ANK1: variants seen among roughly 807,000 people sequenced by gnomAD.
The protein encoded by ANK1 is ankyrin-1.
ANK1 carries 51 observed loss-of-function variants against 210.4 expected under a neutral mutation model. The ratio of observed to expected loss-of-function variants is 0.24; its 90% confidence interval spans 0.19 to 0.31. The LOEUF is 0.31. Among genes scored for constraint, ANK1 ranks in the 10% least tolerant of loss-of-function variants. The pLI is 1.00. For synonymous variants in ANK1, 967 were observed against 1,025.9 expected (o/e 0.94, Z 1.10); for missense variants, 2,051 against 2,504.4 (o/e 0.82, Z 3.86).
chr8:41,696,622 A>T (rs1375228898), intron 25 of ANK1, 35 bp from the exon 26 acceptor site: 1 of 1,611,476 alleles, frequency 6.2e-7, no homozygotes, highest in African/African-American at 1.3e-5. Context: ...GGGCTTCTGC[A>T]TCCCCTCTCG....
At chr8:41,723,348 C>A in intron 8 of ANK1, 125 bp from the exon 9 acceptor site, 3 of 1,189,236 alleles carry the variant, frequency 2.5e-6, no homozygotes, top group South Asian at 2.5e-5. Context: ...AGCACCAGCT[C>A]GACCTCAGCA....
rs1237127865 is a variant in ANK1, at chr8:41,717,069, T to A, written c.1306-18A>T. On this transcript the variant is annotated intron_variant, in intron 12 of 42. Coordinates refer to ENST00000289734, the MANE Select transcript of ANK1 (RefSeq NM_000037.4). Reference sequence around the variant, plus strand: ...TCCACTTTCTATAAAATAACAAAATTATAGAACTGTTCATACATGCCTGCT... The same window carrying A: ...TCCACTTTCTATAAAATAACAAAATAATAGAACTGTTCATACATGCCTGCT... The A allele has an allele frequency of 1.2e-6, 2 of 1,613,000 alleles. No homozygotes were observed. The highest frequency in any genetic ancestry group is 1.7e-6 in the Non-Finnish European group (2 of 1,179,144).
intron 1 of ANK1, among the ~76,000 whole-genome samples, chr8:41,881,258 GAC>G (rs1251388362): frequency 1.3e-5 from 2 of 152,198 alleles, no homozygotes; most frequent in Admixed American, 6.5e-5. Context: ...GAGGCCCAGA[GAC>G]ACACAGTTAT....
At chr8:41,720,001 C>A in intron 9 of ANK1, 143 bp from the exon 10 acceptor site, 6 of 928,336 alleles carry the variant, frequency 6.5e-6, no homozygotes, top group African/African-American at 1.6e-5. Flanking sequence ...CTCACCCTGG[C>A]CTCCACGCTC....
rs553942071 is a variant in ANK1 at position 41,704,505 on chromosome 8, T to C, written c.2098-33A>G. On this transcript the variant is annotated intron_variant, in intron 18 of 42. Transcript: ENST00000289734. The surrounding 1 kb of genome is among the most constrained non-coding windows in gnomAD (Gnocchi z 4.1). ...GCAGATGAGAAGGAGTGACCGGAGC[T>C]GTCCTGAGCTGGGCATCACATGAAA... The C allele has an allele frequency of 6.4e-7, 1 of 1,564,212 alleles. No homozygotes were observed. Among genetic ancestry groups the C allele is most frequent in the African/African-American group, 1.4e-5 (1 of 73,982 alleles).
At chr8:41,796,720 T>C (rs1017409654) in intron 1 of ANK1, among the ~76,000 whole-genome samples, 6 of 151,488 alleles carry the variant, frequency 4.0e-5, no homozygotes, top group Non-Finnish European at 8.8e-5. Flanking sequence ...TTTCAGCGTG[T>C]GTGTGGCCTG....
chr8:41,803,723 A>T (rs1850520418), intron 1 of ANK1, among the ~76,000 whole-genome samples: 1 of 152,010 alleles, frequency 6.6e-6, no homozygotes, highest in East Asian at 1.9e-4. Flanking sequence ...TTAGTTAAGG[A>T]AGTTAGCTTC....
chr8:41,756,473 C>T (rs569473518), intron 2 of ANK1, among the ~76,000 whole-genome samples: 70 of 149,666 alleles, frequency 4.7e-4, no homozygotes, highest in African/African-American at 1.5e-3. Flanking sequence ...GATGGAGTCT[C>T]GCTCTGTCAC....
In ANK1 at chr8:41,714,227, C is replaced by T. The variant is rs375918344; in HGVS notation, c.1729G>A (p.Val577Ile). 80 of 1,538,784 alleles carry T rather than the reference C, an allele frequency of 5.2e-5. 1 individual carries two copies. Among genetic ancestry groups the T allele is most frequent in the South Asian group, 1.1e-4 (9 of 78,822 alleles). The change falls in exon 16 of 43, where the codon GTC (valine) becomes ATC (isoleucine). Residue 577 changes from valine to isoleucine, a missense_variant. Val to Ile is a conservative substitution (Grantham distance 29). Around this residue, in one of 6 missense-constraint regions of ANK1, gnomAD observed 1,413 missense variants for 1,707.4 expected, o/e 0.83. Coordinates refer to ENST00000289734, the MANE Select transcript of ANK1 (RefSeq NM_000037.4). ...KNGLTPLHVAVHHNNLDIVKL... is the reference protein window; with the variant it reads ...KNGLTPLHVAIHHNNLDIVKL... ...ACGATGTCCAGGTTGTTGTGATGGA[C>T]GGCCACGTGCAGGGGGGTCAGGCCA...
chr8:41,700,788 G>C (rs1586227395), intron 22 of ANK1, among the ~76,000 whole-genome samples: 1 of 152,092 alleles, frequency 6.6e-6, no homozygotes, highest in Admixed American at 6.6e-5. Flanking sequence ...TTAGAGACAG[G>C]GTCTTGCTCT....
intron 1 of ANK1, chr8:41,829,291 C>CT (rs1428807498): frequency 6.6e-6 from 1 of 152,230 alleles, no homozygotes; most frequent in East Asian, 1.9e-4. Context: ...GCTTGATGAA[C>CT]TTAGCTTTCG....
chr8:41,718,988 T>A (rs1828500120), intron 10 of ANK1, among the ~76,000 whole-genome samples: 1 of 152,042 alleles, frequency 6.6e-6, no homozygotes. Context: ...AGCGAGTGAG[T>A]GAATGAGTGA....
chr8:41,658,513 G>T (rs576226409), intron 42 of ANK1, among the ~76,000 whole-genome samples: 5 of 152,242 alleles, frequency 3.3e-5, no homozygotes, highest in Non-Finnish European at 7.3e-5. Flanking sequence ...GAAGCAGGAG[G>T]AGGCCTTGAT....
chr8:41,771,661 T>C, intron 1 of ANK1, among the ~76,000 whole-genome samples: 1 of 152,186 alleles, frequency 6.6e-6, no homozygotes, highest in East Asian at 1.9e-4. Flanking sequence ...TACTGTCTCC[T>C]TGCAGGTCTC....
intron 10 of ANK1, 118 bp from the exon 11 acceptor site, chr8:41,718,322 C>T (rs1290398584): frequency 2.3e-6 from 2 of 851,226 alleles, no homozygotes; most frequent in Non-Finnish European, 3.9e-6. Flanking sequence ...CCAGCAGATG[C>T]CCATAGACCA....
Position 41,715,838 on chromosome 8 carries a change from G to A in ANK1, c.1416C>T (p.Thr472=), listed in dbSNP as rs769877482. The A allele has an allele frequency of 1.1e-5, 17 of 1,614,196 alleles. No individual in the cohort carries two copies. In the South Asian group the frequency reaches 1.9e-4, roughly 18 times the overall value. Residue 472 remains threonine (T), a synonymous_variant, in exon 14 of 43, where the codon ACC becomes ACT. Coordinates refer to ENST00000289734, the MANE Select transcript of ANK1 (RefSeq NM_000037.4). ...CGATGCGAGCTGCACAGTGAAGTGG[G>A]GTCTGGTCATCCTGGACCCCGAAGG... The part of the protein sequence containing the change: ...KVNAKAKDDQ[T]PLHCAARIGH...
intron 1 of ANK1, among the ~76,000 whole-genome samples, chr8:41,894,345 C>A (rs1444405776): frequency 1.3e-5 from 2 of 151,774 alleles, no homozygotes; most frequent in African/African-American, 4.8e-5. Context: ...AAGATAACAC[C>A]ATTTGGGGGG....
At chr8:41,868,296 T>C (rs1814854641) in intron 1 of ANK1, among the ~76,000 whole-genome samples, 1 of 152,124 alleles carries the variant, frequency 6.6e-6, no homozygotes, top group African/African-American at 2.4e-5. Context: ...GTGTTCGGTA[T>C]CTCTGGCCTC....
In ANK1 at chr8:41,797,529, A is replaced by C. The variant is rs765868859; in HGVS notation, c.10T>G (p.Ser4Ala). 12 of 1,613,696 alleles carry C rather than the reference A, an allele frequency of 7.4e-6. No individual in the cohort carries two copies. In the Admixed American group the frequency reaches 2.0e-4, roughly 27 times the overall value. MPY[S>A]VGFREADAAT... is the part of the protein sequence containing the mutation. ...GTACTCACTTCGCGGAAGCCCACAG[A>C]ATAGGGCATGCCGGTCTTTCAGCAG... is the stretch of plus-strand genomic sequence containing the variant. The change falls in exon 1 of 43, where the codon TCT becomes GCT. Residue 4 changes from serine to alanine, a missense_variant. By Grantham distance (99) the Ser-to-Ala change is moderately conservative (BLOSUM62 1). Coordinates refer to ENST00000289734, the MANE Select transcript of ANK1 (RefSeq NM_000037.4). The surrounding 1 kb of genome is among the most constrained non-coding windows in gnomAD (Gnocchi z 4.0).
Sources: gnomAD v4.1 joint callset for allele counts (sites outside exome capture counted in the v4.1 genomes callset) on GRCh38, gnomAD v4.1.1 for gene constraint, gnomAD v4.1.1 regional missense constraint, Gnocchi (gnomAD v3.1) non-coding constraint, MANE v1.5 for transcripts, NCBI Gene and HGNC (gene_info 2026-07-23, HGNC 2026-07-21) for gene names.